PCDH15: variants seen among roughly 807,000 people sequenced by gnomAD.
PCDH15 encodes the protein protocadherin-15.
PCDH15 carries 129 observed loss-of-function variants against 178.5 expected under a neutral mutation model. The observed-to-expected ratio is 0.72, with a 90% CI of 0.63 to 0.84. The LOEUF (loss-of-function observed/expected upper bound fraction) is 0.84, where lower values mean the gene tolerates loss of function less well. PCDH15 is among the 40% of genes least tolerant of loss of function. PCDH15 has a pLI of 0.00. For synonymous variants in PCDH15, 800 were observed against 732.0 expected (o/e 1.09, Z -1.50); for missense variants, 2,230 against 2,099.9 (o/e 1.06, Z -1.21).
chr10:53,955,934 A>G (rs1169329253), intron 23 of PCDH15, among the ~76,000 whole-genome samples: 1 of 152,166 alleles, frequency 6.6e-6, no homozygotes, highest in Admixed American at 6.5e-5. Flanking sequence ...TTGGCCTCTA[A>G]AGCAGCCTGA....
intron 2 of PCDH15, among the ~76,000 whole-genome samples, chr10:55,601,601 G>C (rs1324888953): frequency 6.6e-6 from 1 of 152,086 alleles, no homozygotes; most frequent in African/African-American, 2.4e-5. Context: ...AGAGGTGATA[G>C]AGAAATTACA....
At chr10:55,190,715 T>C (rs1564877715) in intron 1 of PCDH15, among the ~76,000 whole-genome samples, 1 of 151,670 alleles carries the variant, frequency 6.6e-6, no homozygotes, top group African/African-American at 2.4e-5. Flanking sequence ...GTAGGAAATA[T>C]ATGCATATTG....
intron 2 of PCDH15, among the ~76,000 whole-genome samples, chr10:55,058,301 C>T (rs1021485572): frequency 3.9e-5 from 6 of 152,106 alleles, no homozygotes; most frequent in Non-Finnish European, 8.8e-5. Context: ...ACCTCCACCT[C>T]CTGAGCTCAA....
chr10:55,303,038 G>A (rs1005485852), intron 1 of PCDH15, among the ~76,000 whole-genome samples: 2 of 151,676 alleles, frequency 1.3e-5, no homozygotes, highest in African/African-American at 4.8e-5. Context: ...GTCAATACAT[G>A]TTATGTTCTA....
intron 2 of PCDH15, among the ~76,000 whole-genome samples, chr10:54,939,494 CAAAAAAAAAAAAA>C (rs71014430): frequency 2.2e-4 from 6 of 26,686 alleles, no homozygotes; most frequent in East Asian, 1.5e-3. Context: ...GACTCCGTCT[CAAAAAAAAAAAAA>C]AAAAAAAAAA....
chr10:54,925,550 A>G (rs1226240061), intron 2 of PCDH15, among the ~76,000 whole-genome samples: 4 of 152,226 alleles, frequency 2.6e-5, no homozygotes, highest in African/African-American at 9.6e-5. Flanking sequence ...GACCATCTTA[A>G]CCATATTGAT....
chr10:55,621,299 A>T (rs1224228692), intron 2 of PCDH15, among the ~76,000 whole-genome samples: 2 of 152,216 alleles, frequency 1.3e-5, no homozygotes, highest in African/African-American at 4.8e-5. Context: ...AGTGAAGCCC[A>T]CAGATTATTT....
intron 10 of PCDH15, among the ~76,000 whole-genome samples, chr10:54,211,653 A>G (rs1039205714): frequency 6.6e-6 from 1 of 152,100 alleles, no homozygotes; most frequent in African/African-American, 2.4e-5. Flanking sequence ...AAGAGACTTC[A>G]TTTTATTTTT....
At chr10:54,947,442 A>G (rs963540293) in intron 2 of PCDH15, among the ~76,000 whole-genome samples, 7 of 151,912 alleles carry the variant, frequency 4.6e-5, no homozygotes, top group South Asian at 2.1e-4. Flanking sequence ...ATGTCCCTTG[A>G]ATGATATTTT....
chr10:54,203,845 C>A (rs766115365), intron 10 of PCDH15, among the ~76,000 whole-genome samples: 6 of 152,138 alleles, frequency 3.9e-5, no homozygotes, highest in Non-Finnish European at 8.8e-5. Context: ...ACCAATGATT[C>A]ACGCATATCC....
chr10:55,056,088 T>G (rs775717469), intron 2 of PCDH15, among the ~76,000 whole-genome samples: 2 of 152,164 alleles, frequency 1.3e-5, no homozygotes, highest in Non-Finnish European at 2.9e-5. Flanking sequence ...CTACTTTAGT[T>G]GGCTTACCAT....
chr10:55,458,476 T>C (rs1441937180), intron 2 of PCDH15, among the ~76,000 whole-genome samples: 2 of 152,076 alleles, frequency 1.3e-5, no homozygotes, highest in African/African-American at 2.4e-5. Context: ...ACCATTTAAA[T>C]TTGTCTGTTT....
intron 1 of PCDH15, among the ~76,000 whole-genome samples, chr10:54,767,449 TAGAC>T (rs1948643104): frequency 1.3e-5 from 2 of 152,026 alleles, no homozygotes; most frequent in Non-Finnish European, 2.9e-5. Flanking sequence ...TTAAATTACA[TAGAC>T]AGTCCACACT....
At chr10:54,811,851 A>G (rs1258142469) in intron 3 of PCDH15, among the ~76,000 whole-genome samples, 1 of 152,214 alleles carries the variant, frequency 6.6e-6, no homozygotes, top group Non-Finnish European at 1.5e-5. Context: ...CTGAATAATT[A>G]TGAGTTTAAC....
intron 4 of PCDH15, among the ~76,000 whole-genome samples, chr10:54,372,725 GA>G (rs1350155267): frequency 2.7e-5 from 4 of 150,896 alleles, no homozygotes; most frequent in East Asian, 1.9e-4. Context: ...AAACAAAGAA[GA>G]AAAAAAAGCT....
intron 8 of PCDH15, among the ~76,000 whole-genome samples, chr10:54,308,624 A>T (rs2133437195): frequency 6.6e-6 from 1 of 152,122 alleles, no homozygotes; most frequent in South Asian, 2.1e-4. Context: ...CTTTCATATT[A>T]CTTCACACAT....
intron 1 of PCDH15, among the ~76,000 whole-genome samples, chr10:54,775,798 A>T (rs1230803509): frequency 6.6e-6 from 1 of 152,154 alleles, no homozygotes; most frequent in Non-Finnish European, 1.5e-5. Context: ...AGGCAGGAGA[A>T]TGGCGTGAAC....
intron 2 of PCDH15, among the ~76,000 whole-genome samples, chr10:54,613,167 G>T (rs1286734086): frequency 6.6e-6 from 1 of 151,792 alleles, no homozygotes; most frequent in Non-Finnish European, 1.5e-5. Context: ...TTTAGAGAGT[G>T]AAAGAGTTCA....
chr10:53,860,822 G>A (rs1264152178), intron 27 of PCDH15, among the ~76,000 whole-genome samples: 1 of 151,064 alleles, frequency 6.6e-6, no homozygotes, highest in Admixed American at 6.6e-5. Flanking sequence ...TCCATTTTAA[G>A]GTTACATTTT....
Sources: gnomAD v4.1 joint callset for allele counts (sites outside exome capture counted in the v4.1 genomes callset) on GRCh38, gnomAD v4.1.1 for gene constraint, MANE v1.5 for transcripts, NCBI Gene and HGNC (gene_info 2026-07-23, HGNC 2026-07-21) for gene names.